The following ADGRF3 variants were observed in gnomAD, a reference collection of about 807,000 sequenced individuals.
ADGRF3 encodes the protein G protein-coupled receptor 113.
Under a neutral mutation model 93.2 loss-of-function variants are expected in ADGRF3, and 85 were observed. That is an observed-to-expected ratio of 0.91 (90% CI 0.77 to 1.09). ADGRF3 has a LOEUF of 1.09. Among genes scored for constraint, ADGRF3 ranks in the 50% least tolerant of loss-of-function variants. The pLI is 0.00. For synonymous variants in ADGRF3, 534 were observed against 532.5 expected (o/e 1.00, Z -0.04); for missense variants, 1,125 against 1,246.2 (o/e 0.90, Z 1.46).
At chr2:26,325,189 A>C (rs1380131812) in intron 1 of ADGRF3, among the ~76,000 whole-genome samples, 1 of 152,242 alleles carries the variant, frequency 6.6e-6, no homozygotes, top group Admixed American at 6.5e-5. Flanking sequence ...ACCCAGCTGC[A>C]GCACAATTCC....
At position 26,311,540 on chromosome 2, in the gene ADGRF3, A is replaced by AC; in HGVS notation, c.1983dup (p.Ser662ValfsTer322). ...ACCTGTGCCTGGCACCCTTCTTTGG[A>AC]CCAACCCCCCCTGCCCTGGAAGAGA... is the stretch of plus-strand genomic sequence containing the variant. On this transcript the variant is annotated frameshift_variant, in exon 10 of 14. Transcript: ENST00000651242. LOFTEE classifies it high-confidence loss of function. 1 of 1,613,772 alleles carries AC rather than the reference A, an allele frequency of 6.2e-7. No homozygotes were observed. Among genetic ancestry groups the AC allele is most frequent in the Non-Finnish European group, 8.5e-7 (1 of 1,179,712 alleles).
At chr2:26,345,863 C>G in intron 1 of ADGRF3, 1 of 484,236 alleles carries the variant, frequency 2.1e-6, no homozygotes, top group Non-Finnish European at 3.7e-6. Flanking sequence ...ACCTTTCACC[C>G]CCTCTCTTGC....
intron 1 of ADGRF3, 106 bp downstream of exon 1, chr2:26,346,015 C>A: frequency 1.7e-6 from 2 of 1,211,162 alleles, no homozygotes; most frequent in South Asian, 1.5e-5. Flanking sequence ...TAGCAACCCC[C>A]CCTCGATGGG....
At chr2:26,342,532 A>C (rs1163098967) in intron 1 of ADGRF3, among the ~76,000 whole-genome samples, 1 of 152,200 alleles carries the variant, frequency 6.6e-6, no homozygotes, top group Non-Finnish European at 1.5e-5. Flanking sequence ...CCAGGAACTT[A>C]AAACACTTTA....
intron 1 of ADGRF3, chr2:26,340,660 CT>C (rs1322815499): frequency 6.6e-6 from 1 of 152,234 alleles, no homozygotes; most frequent in Non-Finnish European, 1.5e-5. Flanking sequence ...GATTTGTTCT[CT>C]CTTTACCTAC....
intron 1 of ADGRF3, among the ~76,000 whole-genome samples, chr2:26,321,874 T>G (rs1675167607): frequency 6.7e-6 from 1 of 149,710 alleles, no homozygotes; most frequent in Non-Finnish European, 1.5e-5. Context: ...CTCAAAAGAC[T>G]GAGGCAGGGA....
chr2:26,328,375 T>A (rs1414618499), intron 1 of ADGRF3, among the ~76,000 whole-genome samples: 1 of 152,216 alleles, frequency 6.6e-6, no homozygotes, highest in Non-Finnish European at 1.5e-5. Context: ...TATCAGCCAC[T>A]ATTTCAAATT....
At chr2:26,341,368 G>T (rs1430364957) in intron 1 of ADGRF3, among the ~76,000 whole-genome samples, 3 of 135,380 alleles carry the variant, frequency 2.2e-5, no homozygotes, top group African/African-American at 7.6e-5. Context: ...ACAGAATGAG[G>T]CTCCATCTTG....
chr2:26,326,470 G>A (rs1675439033), intron 1 of ADGRF3, among the ~76,000 whole-genome samples: 1 of 152,136 alleles, frequency 6.6e-6, no homozygotes, highest in Non-Finnish European at 1.5e-5. Context: ...TGGGAGAAGT[G>A]AGTACGCATT....
chr2:26,342,323 G>C (rs1676446378), intron 1 of ADGRF3, among the ~76,000 whole-genome samples: 1 of 152,076 alleles, frequency 6.6e-6, no homozygotes, highest in Non-Finnish European at 1.5e-5. Context: ...ATGTGTATAA[G>C]GCATTCATTT....
rs1674497824 is a variant in ADGRF3 at position 26,314,633 on chromosome 2, C to CGT, written c.719-12_719-11dup. The CGT allele has an allele frequency of 6.2e-7, 1 of 1,611,172 alleles. No individual in the cohort carries two copies. The highest frequency in any genetic ancestry group is 1.3e-5 in the African/African-American group (1 of 74,884). On this transcript the variant is annotated splice_polypyrimidine_tract_variant and intron_variant, in intron 5 of 13. Transcript: ENST00000651242. ...CAGCTCATGTACTCACCTGCAGAAA[C>CGT]GTGTGTGCGGCGCTATGTGGCTCCT...
chr2:26,329,846 T>C (rs1326009304), intron 1 of ADGRF3, among the ~76,000 whole-genome samples: 5 of 152,248 alleles, frequency 3.3e-5, no homozygotes, highest in African/African-American at 1.2e-4. Context: ...CATTTACTTA[T>C]GGCACTTTTG....
intron 7 of ADGRF3, 37 bp from the exon 8 acceptor site, chr2:26,313,610 A>G: frequency 6.3e-7 from 1 of 1,581,574 alleles, no homozygotes; most frequent in South Asian, 1.2e-5. Flanking sequence ...CAGCAATCAC[A>G]GCCTCACCTG....
chr2:26,334,814 C>T (rs1266779725), intron 1 of ADGRF3, among the ~76,000 whole-genome samples: 1 of 152,114 alleles, frequency 6.6e-6, no homozygotes, highest in Admixed American at 6.6e-5. Context: ...CAATAATGTT[C>T]TGGTAGATAT....
chr2:26,319,207 A>C, intron 1 of ADGRF3: 1 of 731,294 alleles, frequency 1.4e-6, no homozygotes. Context: ...TGAAATGGGA[A>C]TCCAGGTCAC....
rs371463705 is a variant in ADGRF3 at position 26,336,531 on chromosome 2, G to A, written c.114+9590C>T. ...ACTTGAGGTCAGGAGTTCGAGACCAGCCTGGCCAACATGGCAAAACCCTGT... is the reference window on the plus strand; with the variant it reads ...ACTTGAGGTCAGGAGTTCGAGACCAACCTGGCCAACATGGCAAAACCCTGT... On this transcript the variant is annotated intron_variant, in intron 1 of 13. Coordinates refer to ENST00000651242, the MANE Select transcript of ADGRF3 (RefSeq NM_001321971.2). Among the ~76,000 whole-genome samples, 17 of 151,980 alleles carry A rather than the reference G, an allele frequency of 1.1e-4. No individual in the cohort carries two copies. The East Asian group carries it at 3.1e-3, about 28-fold the overall frequency.
At chr2:26,324,072 A>T (rs1441943642) in intron 1 of ADGRF3, among the ~76,000 whole-genome samples, 1 of 152,088 alleles carries the variant, frequency 6.6e-6, no homozygotes, top group Non-Finnish European at 1.5e-5. Context: ...ACAAAACCTC[A>T]ATATGGCAAA....
At chr2:26,334,141 G>A (rs1234346474) in intron 1 of ADGRF3, among the ~76,000 whole-genome samples, 1 of 151,910 alleles carries the variant, frequency 6.6e-6, no homozygotes, top group African/African-American at 2.4e-5. Context: ...CCTGTACAAG[G>A]ATAGGATTTT....
In ADGRF3 at chr2:26,317,049, G is replaced by A. The variant is rs180836893; in HGVS notation, c.188C>T (p.Ala63Val). ...LDQENGAGESALVSVYVHLDF... is the reference protein window; with the variant it reads ...LDQENGAGESVLVSVYVHLDF... Reference sequence around the variant, plus strand: ...CAGATGTACATAGACGGAGACCAGCGCTGATTCTACAGGAGCAGAGGGGAC... The same window carrying A: ...CAGATGTACATAGACGGAGACCAGCACTGATTCTACAGGAGCAGAGGGGAC... The change falls in exon 3 of 14, where the codon GCG (alanine) becomes GTG (valine). Residue 63 changes from alanine to valine, a missense_variant. Physicochemically the swap from Ala to Val is moderately conservative, Grantham distance 64 (BLOSUM62 0). Transcript: ENST00000651242. 13 of 1,609,980 alleles carry A rather than the reference G, an allele frequency of 8.1e-6. No individual in the cohort carries two copies. In the East Asian group the frequency reaches 1.8e-4, roughly 22 times the overall value.
Sources: gnomAD v4.1 joint callset for allele counts (sites outside exome capture counted in the v4.1 genomes callset) on GRCh38, gnomAD v4.1.1 for gene constraint, MANE v1.5 for transcripts, NCBI Gene and HGNC (gene_info 2026-07-23, HGNC 2026-07-21) for gene names.